SF3A3: variants seen among roughly 807,000 people sequenced by gnomAD.
The protein encoded by SF3A3 is splicing factor 3a subunit 3, also known as SAP 61.
SF3A3 carries 9 observed loss-of-function variants against 85.8 expected under a neutral mutation model. The observed-to-expected ratio is 0.10, with a 90% CI of 0.06 to 0.18. The LOEUF (loss-of-function observed/expected upper bound fraction) is 0.18, where lower values mean the gene tolerates loss of function less well. Among genes scored for constraint, SF3A3 ranks in the 10% least tolerant of loss-of-function variants. SF3A3 has a pLI of 1.00. For synonymous variants in SF3A3, 195 were observed against 204.4 expected (o/e 0.95, Z 0.39); for missense variants, 306 against 593.3 (o/e 0.52, Z 5.03).
At chr1:37,979,967 A>C (rs1285112260) in intron 8 of SF3A3, among the ~76,000 whole-genome samples, 2 of 152,028 alleles carry the variant, frequency 1.3e-5, no homozygotes, top group Non-Finnish European at 2.9e-5. Context: ...TTCAGGAAAA[A>C]CTCATGTTTA....
chr1:37,961,759 C>CAAAAAAAAAAAAAAAAA (rs10699691), intron 15 of SF3A3, among the ~76,000 whole-genome samples: 11 of 37,800 alleles, frequency 2.9e-4, no homozygotes, highest in Non-Finnish European at 3.5e-4. Context: ...GCAAGACTGC[C>CAAAAAAAAAAAAAAAAA]AAAAAAAAAA....
intron 6 of SF3A3, among the ~76,000 whole-genome samples, chr1:37,982,531 C>T (rs1280231559): frequency 2.0e-5 from 3 of 151,960 alleles, no homozygotes; most frequent in Non-Finnish European, 4.4e-5. Context: ...CCACCATGCC[C>T]GGCTAATTTT....
intron 4 of SF3A3, among the ~76,000 whole-genome samples, chr1:37,987,029 T>A (rs114938942): frequency 0.024 from 3,721 of 152,204 alleles, 75 homozygotes; most frequent in South Asian, 0.045. Context: ...TGGGCCCTAG[T>A]ACCCATACTG....
At chr1:37,976,988 TTC>T in intron 11 of SF3A3, 35 bp from the exon 12 acceptor site, 1 of 1,461,066 alleles carries the variant, frequency 6.8e-7, no homozygotes, top group Non-Finnish European at 9.6e-7. Context: ...CACTCAAGGA[TTC>T]TCTCATCCAT....
At chr1:37,963,454 A>T (rs1224630965) in intron 15 of SF3A3, among the ~76,000 whole-genome samples, 2 of 152,216 alleles carry the variant, frequency 1.3e-5, no homozygotes, top group Non-Finnish European at 2.9e-5. Flanking sequence ...AATCAAAAAC[A>T]GTGGCAATAA....
chr1:37,987,876 G>A (rs761292696), intron 2 of SF3A3, 40 bp from the exon 3 acceptor site: 15 of 1,540,554 alleles, frequency 9.7e-6, no homozygotes, highest in Non-Finnish European at 6.3e-6. Context: ...GATGCAATTT[G>A]CACAACTGTA....
intron 14 of SF3A3, among the ~76,000 whole-genome samples, 190 bp downstream of exon 14, chr1:37,969,163 AC>A (rs1646322117): frequency 6.6e-6 from 1 of 152,186 alleles, no homozygotes; most frequent in Non-Finnish European, 1.5e-5. Context: ...TCCTCCAGAA[AC>A]TATCTCAGGT....
intron 15 of SF3A3, 61 bp downstream of exon 15, chr1:37,967,983 T>C (rs998148958): frequency 5.2e-5 from 51 of 986,474 alleles, no homozygotes; most frequent in South Asian, 4.3e-4. Context: ...ATTAGGATGC[T>C]GAATTGAAGG....
intron 1 of SF3A3, 128 bp downstream of exon 1, chr1:37,989,742 G>A (rs1004554355): frequency 1.3e-5 from 16 of 1,228,856 alleles, no homozygotes; most frequent in African/African-American, 3.0e-5. Flanking sequence ...AGGTTACCAA[G>A]ACCGGAGCTC....
At chr1:37,967,989 G>T (rs879063763) in intron 15 of SF3A3, 55 bp downstream of exon 15, 2 of 1,055,280 alleles carry the variant, frequency 1.9e-6, no homozygotes, top group South Asian at 1.3e-5. Flanking sequence ...ATGCTGAATT[G>T]AAGGAGTAGA....
intron 8 of SF3A3, among the ~76,000 whole-genome samples, chr1:37,980,191 G>A (rs768018770): frequency 3.3e-5 from 5 of 152,128 alleles, no homozygotes; most frequent in African/African-American, 4.8e-5. Flanking sequence ...TTGGGAGGCC[G>A]AGGTGGGCGG....
chr1:37,987,379 GGCCTT>G, intron 4 of SF3A3, among the ~76,000 whole-genome samples, 189 bp downstream of exon 4: 1 of 152,134 alleles, frequency 6.6e-6, no homozygotes, highest in African/African-American at 2.4e-5. Context: ...GTGCCCAGCC[GGCCTT>G]GGCTTAAAAG....
chr1:37,968,239 T>C, intron 14 of SF3A3, 105 bp from the exon 15 acceptor site: 1 of 731,938 alleles, frequency 1.4e-6, no homozygotes, highest in Non-Finnish European at 2.5e-6. Context: ...TTTGCAAGAC[T>C]CCACCTAAAG....
At position 37,979,480 on chromosome 1, in the gene SF3A3, T is replaced by C. The variant is rs778703481; in HGVS notation, c.744A>G (p.Ala248=). The part of the protein sequence containing the change: ...THAGAHLDLS[A]FSSWEELASL... ...GGAAACATACCTCCCAGGAGGAGAA[T>C]GCAGAGAGGTCAAGATGGGCTCCAG... is the stretch of plus-strand genomic sequence containing the variant. Residue 248 remains alanine (A), a synonymous_variant, in exon 9 of 17, where the codon GCA becomes GCG. Transcript: ENST00000373019. 53 of 1,612,552 alleles carry C rather than the reference T, an allele frequency of 3.3e-5. No individual in the cohort carries two copies. The highest frequency in any genetic ancestry group is 4.3e-5 in the Non-Finnish European group (51 of 1,178,808).
chr1:37,981,933 G>C, intron 6 of SF3A3, 122 bp from the exon 7 acceptor site: 1 of 627,676 alleles, frequency 1.6e-6, no homozygotes, highest in Non-Finnish European at 2.7e-6. Flanking sequence ...ACAAGGGCTG[G>C]CTAATTTTGG....
chr1:37,967,453 G>A (rs1470378022), intron 15 of SF3A3, among the ~76,000 whole-genome samples: 1 of 151,800 alleles, frequency 6.6e-6, no homozygotes, highest in Admixed American at 6.6e-5. Flanking sequence ...GCCAAGGCGG[G>A]CGGATCATGA....
intron 15 of SF3A3, among the ~76,000 whole-genome samples, chr1:37,964,231 C>A (rs1021746302): frequency 6.6e-6 from 1 of 152,066 alleles, no homozygotes; most frequent in African/African-American, 2.4e-5. Flanking sequence ...AACACGATTT[C>A]TTTCTAGAAA....
At position 37,980,217 on chromosome 1, in the gene SF3A3, G is replaced by T. The variant is rs1646408171; in HGVS notation, c.690+369C>A. Among the ~76,000 whole-genome samples, 4 of 152,134 alleles carry T rather than the reference G, an allele frequency of 2.6e-5. No individual in the cohort carries two copies. In the South Asian group the frequency reaches 8.3e-4, roughly 32 times the overall value. ...AGGTGGGCGGATCACCTGAGGTCGG[G>T]AATTTGAGACCAGCCTGACAAATAT... On this transcript the variant is annotated intron_variant, in intron 8 of 16. Transcript: ENST00000373019.
chr1:37,960,016 G>T (rs952980058), intron 16 of SF3A3, 104 bp downstream of exon 16: 6 of 736,616 alleles, frequency 8.1e-6, no homozygotes, highest in Non-Finnish European at 1.4e-5. Context: ...CATTCTACTC[G>T]CTGCTGCAGT....
Sources: gnomAD v4.1 joint callset for allele counts (sites outside exome capture counted in the v4.1 genomes callset) on GRCh38, gnomAD v4.1.1 for gene constraint, MANE v1.5 for transcripts, NCBI Gene and HGNC (gene_info 2026-07-23, HGNC 2026-07-21) for gene names.